Variants in MED12L observed in about 807,000 individuals in gnomAD.
MED12L encodes mediator of RNA polymerase II transcription subunit 12-like protein.
In MED12L, 60 loss-of-function variants were observed where a neutral mutation model predicts 281.3. The observed-to-expected ratio is 0.21, with a 90% CI of 0.17 to 0.26. The LOEUF (loss-of-function observed/expected upper bound fraction) is 0.26, where lower values mean the gene tolerates loss of function less well. Ranked by LOEUF, MED12L falls within the 10% of genes least tolerant of loss-of-function variation. MED12L has a pLI of 1.00. For synonymous variants in MED12L, 974 were observed against 987.2 expected (o/e 0.99, Z 0.25); for missense variants, 2,146 against 2,680.9 (o/e 0.80, Z 4.41).
intron 16 of MED12L, chr3:151,328,868 G>C: frequency 6.2e-7 from 1 of 1,614,058 alleles, no homozygotes; most frequent in South Asian, 1.1e-5. Context: ...CAGAGCCAAA[G>C]TATTCAGCAG....
intron 43 of MED12L, among the ~76,000 whole-genome samples, chr3:151,417,487 CT>C (rs56128844): frequency 0.12 from 9,317 of 78,426 alleles, 275 homozygotes; most frequent in Middle Eastern, 0.23. Flanking sequence ...CCCCCCCCGC[CT>C]TTTTTTTTTT....
chr3:151,213,582 A>G, intron 16 of MED12L: 1 of 1,614,188 alleles, frequency 6.2e-7, no homozygotes, highest in Non-Finnish European at 8.5e-7. Context: ...AAGGTACAAA[A>G]CAGACAAAAA....
At chr3:151,097,230 C>G (rs1001686662) in intron 2 of MED12L, among the ~76,000 whole-genome samples, 1 of 152,104 alleles carries the variant, frequency 6.6e-6, no homozygotes, top group Non-Finnish European at 1.5e-5. Flanking sequence ...GCCCAGTTCC[C>G]GGAAGCGATA....
In MED12L at chr3:151,163,971, C is replaced by A; in HGVS notation, c.1186C>A (p.Pro396Thr). The A allele has an allele frequency of 6.2e-7, 1 of 1,613,794 alleles. No individual in the cohort carries two copies. The highest frequency in any genetic ancestry group is 8.5e-7 in the Non-Finnish European group (1 of 1,179,808). Residue 396 changes from proline to threonine, a missense_variant, in exon 9 of 45, where the codon CCC becomes ACC. Coordinates refer to ENST00000687756, the MANE Select transcript of MED12L (RefSeq NM_001393769.1). ...NENKSANPGS[P>T]LDLLQVAPSS... ...AAATAAGAGCGCAAACCCAGGCTCA[C>A]CCCTGGATCTGCTGCAGGTGGCCCC... is the stretch of plus-strand genomic sequence containing the variant.
At chr3:151,093,751 G>A (rs529708633) in intron 2 of MED12L, among the ~76,000 whole-genome samples, 2 of 152,210 alleles carry the variant, frequency 1.3e-5, no homozygotes, top group Non-Finnish European at 2.9e-5. Flanking sequence ...TGGGGTATAA[G>A]CGAGCAGGTC....
chr3:151,368,814 T>G (rs909716571), intron 25 of MED12L, among the ~76,000 whole-genome samples: 5 of 150,274 alleles, frequency 3.3e-5, no homozygotes, highest in African/African-American at 1.2e-4. Context: ...CAGGCTGGAG[T>G]ACAGTGGTGT....
chr3:151,110,278 C>T (rs1393545038), intron 2 of MED12L, among the ~76,000 whole-genome samples: 1 of 152,164 alleles, frequency 6.6e-6, no homozygotes, highest in African/African-American at 2.4e-5. Flanking sequence ...TATTTGAGTT[C>T]AGGTGACACG....
At position 151,383,899 on chromosome 3, in the gene MED12L, A is replaced by G. The variant is rs374020919; in HGVS notation, c.4790+11A>G. 56 of 1,604,148 alleles carry G rather than the reference A, an allele frequency of 3.5e-5. No homozygotes were observed. In the African/African-American group the frequency reaches 5.8e-4, roughly 16 times the overall value. On this transcript the variant is annotated intron_variant, in intron 34 of 44. Transcript: ENST00000687756. ...CATGCACACTAACAAGTATGTTTTT[A>G]TCACTTCACATTGATTTTGCTACAT...
chr3:151,138,070 C>T (rs1716408024), intron 5 of MED12L, among the ~76,000 whole-genome samples: 1 of 152,202 alleles, frequency 6.6e-6, no homozygotes, highest in East Asian at 1.9e-4. Context: ...AGTTTTTAAT[C>T]TTCCAGTTTT....
intron 16 of MED12L, among the ~76,000 whole-genome samples, chr3:151,200,691 CCTTT>C (rs771916207): frequency 1.3e-5 from 2 of 152,120 alleles, no homozygotes; most frequent in Non-Finnish European, 1.5e-5. Flanking sequence ...GGCTACATGC[CCTTT>C]CTCTTTCCCT....
At chr3:151,331,621 A>G (rs993437705) in intron 16 of MED12L, among the ~76,000 whole-genome samples, 5 of 152,192 alleles carry the variant, frequency 3.3e-5, no homozygotes, top group African/African-American at 1.2e-4. Context: ...ACGAAAGGAG[A>G]GAAGAATCAA....
intron 43 of MED12L, among the ~76,000 whole-genome samples, chr3:151,419,285 A>G (rs529437005): frequency 1.3e-5 from 2 of 152,382 alleles, no homozygotes; most frequent in African/African-American, 4.8e-5. Context: ...CATGACCACA[A>G]GGTCCCACAA....
At chr3:151,136,738 T>C (rs1036633195) in intron 5 of MED12L, among the ~76,000 whole-genome samples, 12 of 152,242 alleles carry the variant, frequency 7.9e-5, no homozygotes, top group African/African-American at 2.9e-4. Context: ...CTTTCTCTCA[T>C]GTGATAAATT....
rs57652400 is a variant in MED12L at position 151,124,994 on chromosome 3, AC to A, written c.396+2023del. 0.015 allele frequency among the ~76,000 whole-genome samples: 2,278 copies of A among 152,268 alleles called. 157 individuals are homozygous for A. In the East Asian group the frequency reaches 0.22, roughly 14 times the overall value. On this transcript the variant is annotated intron_variant, in intron 4 of 44. Transcript: ENST00000687756. ...CATCCAAGGAGAAAGGTGATAGGAC[AC>A]CCTTTTGTGGATTGAAAGCCAGCAC...
At chr3:151,235,015 GT>G (rs1193080208) in intron 16 of MED12L, among the ~76,000 whole-genome samples, 1 of 152,180 alleles carries the variant, frequency 6.6e-6, no homozygotes, top group South Asian at 2.1e-4. Flanking sequence ...GCTCAGGCGT[GT>G]TTTTTTGTAT....
Position 151,372,628 on chromosome 3 carries a change from A to G in MED12L, c.3726A>G (p.Arg1242=). ...SSLKNDDFTM[R]GLRCDGNADD... Reference sequence around the variant, plus strand: ...TAAAGAATGATGACTTCACCATGAGAGGTTTGCGATGTGATGGGAATGCTG... The same window carrying G: ...TAAAGAATGATGACTTCACCATGAGGGGTTTGCGATGTGATGGGAATGCTG... Residue 1242 remains arginine (R), a synonymous_variant, in exon 27 of 45, where the codon AGA becomes AGG. Transcript: ENST00000687756. The G allele has an allele frequency of 6.2e-7, 1 of 1,613,938 alleles. No homozygotes were observed. The highest frequency in any genetic ancestry group is 8.5e-7 in the Non-Finnish European group (1 of 1,179,846).
chr3:151,168,424 C>G (rs927667230), intron 11 of MED12L, among the ~76,000 whole-genome samples: 1 of 152,094 alleles, frequency 6.6e-6, no homozygotes, highest in Non-Finnish European at 1.5e-5. Flanking sequence ...CGGAAGCTTC[C>G]CCTACCTGAG....
chr3:151,151,031 C>CTTTTTTTTTTTCTTTTTTTTTTTTTT (rs1718405928), intron 5 of MED12L, among the ~76,000 whole-genome samples: 1 of 32,880 alleles, frequency 3.0e-5, no homozygotes, highest in African/African-American at 1.2e-4. Flanking sequence ...GCTGAAGTAG[C>CTTTTTTTTTTTCTTTTTTTTTTTTTT]TTTTTTTTTT....
intron 16 of MED12L, among the ~76,000 whole-genome samples, chr3:151,217,474 C>T (rs1226077154): frequency 6.6e-6 from 1 of 152,218 alleles, no homozygotes; most frequent in African/African-American, 2.4e-5. Flanking sequence ...ACTGACTGAC[C>T]AAGGTAAACT....
Sources: gnomAD v4.1 joint callset for allele counts (sites outside exome capture counted in the v4.1 genomes callset) on GRCh38, gnomAD v4.1.1 for gene constraint, MANE v1.5 for transcripts, NCBI Gene and HGNC (gene_info 2026-07-23, HGNC 2026-07-21) for gene names.